CALN1: variants seen among roughly 807,000 people sequenced by gnomAD.
CALN1 encodes the protein calcium-binding protein 8.
In CALN1, 17 loss-of-function variants were observed where a neutral mutation model predicts 30.6. The ratio of observed to expected loss-of-function variants is 0.56; its 90% confidence interval spans 0.38 to 0.83. CALN1 has a LOEUF of 0.83. Ranked by LOEUF, CALN1 falls within the 40% of genes least tolerant of loss-of-function variation. The probability of loss-of-function intolerance (pLI) is 0.00; values close to 1 mark genes in which losing one functional copy is unlikely to be tolerated. For missense variants in CALN1, 291 were observed against 354.9 expected (o/e 0.82, Z 1.45); for synonymous variants, 156 against 131.4 (o/e 1.19, Z -1.28).
rs182141712 is a variant in CALN1, at chr7:72,293,024, G to A, written c.120-14214C>T. ...AGGGAGGTTCCTGTTGTTCAGTAGC[G>A]CCCACTCCTATGCTTATCTCCCTGG... On this transcript the variant is annotated intron_variant, in intron 2 of 6. Coordinates refer to ENST00000395275, the MANE Select transcript of CALN1 (RefSeq NM_031468.4). Among the ~76,000 whole-genome samples the A allele has an allele frequency of 3.9e-4, 59 of 152,022 alleles. 2 individuals carry two copies. The South Asian group carries it at 0.01, about 26-fold the overall frequency.
At chr7:72,306,521 C>T (rs1400680884) in intron 2 of CALN1, among the ~76,000 whole-genome samples, 3 of 151,752 alleles carry the variant, frequency 2.0e-5, no homozygotes, top group African/African-American at 7.3e-5. Flanking sequence ...TTATGGTGTA[C>T]TTGGTTTCTC....
intron 2 of CALN1, among the ~76,000 whole-genome samples, chr7:72,361,580 A>G (rs1192213605): frequency 2.6e-5 from 4 of 152,178 alleles, no homozygotes; most frequent in African/African-American, 4.8e-5. Context: ...ATGTTTTATA[A>G]AAGTTTACCA....
intron 3 of CALN1, among the ~76,000 whole-genome samples, chr7:72,165,206 C>T (rs953203106): frequency 8.5e-5 from 13 of 152,124 alleles, no homozygotes; most frequent in African/African-American, 2.9e-4. Context: ...CAGAACCTAC[C>T]GTTTCAAATT....
At chr7:72,152,651 C>T (rs1321067635) in intron 3 of CALN1, among the ~76,000 whole-genome samples, 1 of 152,290 alleles carries the variant, frequency 6.6e-6, no homozygotes, top group Middle Eastern at 3.4e-3. Context: ...AAAGCTGGTG[C>T]ACATTGCCCT....
At chr7:72,232,483 C>T (rs925303713) in intron 3 of CALN1, among the ~76,000 whole-genome samples, 9 of 152,228 alleles carry the variant, frequency 5.9e-5, no homozygotes, top group Non-Finnish European at 8.8e-5. Flanking sequence ...TTTTTTGAGA[C>T]GGAGTCTCAC....
intron 4 of CALN1, among the ~76,000 whole-genome samples, chr7:72,057,235 T>A (rs1043471691): frequency 6.6e-6 from 1 of 152,170 alleles, no homozygotes; most frequent in African/African-American, 2.4e-5. Context: ...GCTTGAGCCA[T>A]GAAGCCTGGC....
intron 4 of CALN1, among the ~76,000 whole-genome samples, chr7:72,083,380 A>T (rs1048795380): frequency 2.0e-5 from 3 of 152,018 alleles, no homozygotes; most frequent in Admixed American, 6.6e-5. Flanking sequence ...AGATATGGAA[A>T]TTATTTAAAA....
rs573234964 is a variant in CALN1, at chr7:71,946,029, T to A, written c.501+77628A>T. On this transcript the variant is annotated intron_variant, in intron 5 of 6. Coordinates refer to ENST00000395275, the MANE Select transcript of CALN1 (RefSeq NM_031468.4). Reference sequence around the variant, plus strand: ...AACGGAATTCTGCTCAGCAGAGGCATGGGGTGAGGGCCGCTTTAGGGACTG... The same window carrying A: ...AACGGAATTCTGCTCAGCAGAGGCAAGGGGTGAGGGCCGCTTTAGGGACTG... Among the ~76,000 whole-genome samples the A allele has an allele frequency of 1.5e-4, 23 of 152,230 alleles. No homozygotes were observed. The East Asian group carries it at 3.9e-3, about 26-fold the overall frequency.
intron 2 of CALN1, among the ~76,000 whole-genome samples, chr7:72,341,556 C>T (rs919899080): frequency 2.0e-5 from 3 of 151,390 alleles, no homozygotes; most frequent in African/African-American, 7.3e-5. Flanking sequence ...AAACAAATGC[C>T]TTGGTAAGTG....
chr7:72,375,060 G>GTTTTT, intron 2 of CALN1, among the ~76,000 whole-genome samples: 1 of 152,128 alleles, frequency 6.6e-6, no homozygotes, highest in Non-Finnish European at 1.5e-5. Flanking sequence ...AAAAAAGATT[G>GTTTTT]TCTTTATTTA....
chr7:72,395,379 A>C (rs1805861464), intron 2 of CALN1, among the ~76,000 whole-genome samples: 1 of 152,090 alleles, frequency 6.6e-6, no homozygotes, highest in Non-Finnish European at 1.5e-5. Flanking sequence ...ACACACACAT[A>C]TCCAGGGTTC....
At chr7:72,313,584 G>A (rs1469693169) in intron 2 of CALN1, among the ~76,000 whole-genome samples, 1 of 151,946 alleles carries the variant, frequency 6.6e-6, no homozygotes, top group African/African-American at 2.4e-5. Context: ...TTGTAGAGAT[G>A]GGGTCTCACT....
chr7:72,377,869 C>A (rs1029341461), intron 2 of CALN1, among the ~76,000 whole-genome samples: 6 of 152,118 alleles, frequency 3.9e-5, no homozygotes, highest in African/African-American at 1.4e-4. Flanking sequence ...GCACTTAGGG[C>A]CTCCTCAGGT....
At chr7:71,848,593 T>A (rs1480770357) in intron 5 of CALN1, among the ~76,000 whole-genome samples, 1 of 152,220 alleles carries the variant, frequency 6.6e-6, no homozygotes, top group East Asian at 1.9e-4. Flanking sequence ...TTAAAAGCCA[T>A]CTGTTTTGTG....
At chr7:72,404,135 C>G (rs1806538746) in intron 1 of CALN1, among the ~76,000 whole-genome samples, 1 of 152,156 alleles carries the variant, frequency 6.6e-6, no homozygotes, top group Non-Finnish European at 1.5e-5. Flanking sequence ...TCAGGTGTCA[C>G]CTCTTCTGAA....
At chr7:72,135,457 T>C (rs1248772393) in intron 3 of CALN1, among the ~76,000 whole-genome samples, 3 of 152,168 alleles carry the variant, frequency 2.0e-5, no homozygotes, top group Admixed American at 2.0e-4. Flanking sequence ...GAAAACAACA[T>C]TCATCTCCTT....
chr7:72,267,359 C>T (rs1026022854), intron 3 of CALN1, among the ~76,000 whole-genome samples: 4 of 152,208 alleles, frequency 2.6e-5, no homozygotes, highest in African/African-American at 9.6e-5. Context: ...AAGTCATGCT[C>T]ATGGCCAGCC....
chr7:72,173,513 A>G (rs1789123506), intron 3 of CALN1, among the ~76,000 whole-genome samples: 1 of 152,214 alleles, frequency 6.6e-6, no homozygotes, highest in Admixed American at 6.5e-5. Flanking sequence ...AAATGGTTTA[A>G]AAGAACAAAG....
chr7:71,866,165 C>A (rs1469570678), intron 5 of CALN1, among the ~76,000 whole-genome samples: 2 of 151,840 alleles, frequency 1.3e-5, no homozygotes, highest in Non-Finnish European at 2.9e-5. Context: ...GCCACCACAC[C>A]CGGCTAATTT....
Sources: allele counts gnomAD v4.1 joint callset (sites outside exome capture counted in the v4.1 genomes callset), GRCh38; gene constraint gnomAD v4.1.1; transcripts MANE v1.5; gene names NCBI Gene and HGNC (gene_info 2026-07-23, HGNC 2026-07-21).